Variants in VPS13B observed in about 807,000 individuals in gnomAD.
VPS13B encodes the protein intermembrane lipid transfer protein VPS13B.
Under a neutral mutation model 426.4 loss-of-function variants are expected in VPS13B, and 285 were observed. The ratio of observed to expected loss-of-function variants is 0.67; its 90% CI spans 0.61 to 0.74. The LOEUF (loss-of-function observed/expected upper bound fraction) is 0.74, where lower values mean the gene tolerates loss of function less well. VPS13B is among the 30% of genes least tolerant of loss of function. The probability of loss-of-function intolerance (pLI) is 0.00; values close to 1 mark genes in which losing one functional copy is unlikely to be tolerated. For missense variants in VPS13B, 4,537 were observed against 4,782.6 expected, an observed-to-expected ratio of 0.95 and a Z score of 1.51; for synonymous variants, 1,676 against 1,676.4, an observed-to-expected ratio of 1.00 and a Z score of 0.01.
chr8:99,840,271 C>T (rs1338421008), intron 54 of VPS13B, among the ~76,000 whole-genome samples: 2 of 152,218 alleles, frequency 1.3e-5, no homozygotes, highest in Non-Finnish European at 2.9e-5. Flanking sequence ...ACCACATCCC[C>T]CAGGTCTTTA....
intron 19 of VPS13B, among the ~76,000 whole-genome samples, chr8:99,352,987 A>C (rs959029248): frequency 6.6e-6 from 1 of 151,846 alleles, no homozygotes; most frequent in African/African-American, 2.4e-5. Context: ...ACTTATTATT[A>C]TTATTATTTT....
intron 21 of VPS13B, among the ~76,000 whole-genome samples, chr8:99,410,998 G>C (rs199913990): frequency 1.3e-5 from 2 of 152,108 alleles, no homozygotes; most frequent in Non-Finnish European, 2.9e-5. Flanking sequence ...AGTCTTTGCT[G>C]TTGTGAATAG....
intron 7 of VPS13B, among the ~76,000 whole-genome samples, chr8:99,116,666 A>AT (rs1847670607): frequency 6.7e-6 from 1 of 150,130 alleles, no homozygotes; most frequent in Non-Finnish European, 1.5e-5. Flanking sequence ...ACTCCTAGGC[A>AT]TAAGCTATCT....
chr8:99,278,135 T>A (rs1391833377), intron 19 of VPS13B, among the ~76,000 whole-genome samples: 1 of 152,150 alleles, frequency 6.6e-6, no homozygotes, highest in Non-Finnish European at 1.5e-5. Context: ...TGAATGATGA[T>A]CATACTAACT....
chr8:99,618,154 G>T (rs1828183899), intron 33 of VPS13B, among the ~76,000 whole-genome samples: 1 of 151,980 alleles, frequency 6.6e-6, no homozygotes, highest in Non-Finnish European at 1.5e-5. Context: ...TCCTCTGTGT[G>T]ATATTGTGAC....
At chr8:99,234,471 G>GCCGCC in intron 17 of VPS13B, 1 of 559,208 alleles carries the variant, frequency 1.8e-6, no homozygotes, top group South Asian at 1.5e-5. Flanking sequence ...TGGCCTCGCC[G>GCCGCC]CCGCCCCGCC....
intron 31 of VPS13B, among the ~76,000 whole-genome samples, chr8:99,561,459 A>G (rs562775434): frequency 1.8e-4 from 27 of 152,326 alleles, no homozygotes; most frequent in Admixed American, 1.3e-3. Flanking sequence ...TAATGGGTCA[A>G]TTTAAGATTT....
chr8:99,793,254 C>CATAT (rs779913773), intron 43 of VPS13B, among the ~76,000 whole-genome samples: 7,571 of 106,720 alleles, frequency 0.071, 351 homozygotes, highest in East Asian at 0.17. Flanking sequence ...TTGCCCTCTC[C>CATAT]ATATATATAT....
In VPS13B at chr8:99,720,566, G is replaced by C; in HGVS notation, c.6865+14G>C. 1.2e-6 allele frequency: 2 copies of C among 1,609,864 alleles called. No individual in the cohort carries two copies. Among genetic ancestry groups the C allele is most frequent in the Non-Finnish European group, 8.5e-7 (1 of 1,176,230 alleles). ...TACAGGATGCTGGTAAGTAGCAACAGACTCAGTATGAGAGTGTCTCTGTGC... is the reference window on the plus strand; with the variant it reads ...TACAGGATGCTGGTAAGTAGCAACACACTCAGTATGAGAGTGTCTCTGTGC... On this transcript the variant is annotated intron_variant, in intron 38 of 61. Coordinates refer to ENST00000357162, the MANE Select transcript of VPS13B (RefSeq NM_152564.5).
intron 39 of VPS13B, among the ~76,000 whole-genome samples, chr8:99,746,924 A>C (rs1588678770): frequency 6.6e-6 from 1 of 152,240 alleles, no homozygotes; most frequent in East Asian, 1.9e-4. Flanking sequence ...CCTTTAATGG[A>C]CCAAAAATGT....
intron 43 of VPS13B, among the ~76,000 whole-genome samples, chr8:99,797,713 A>G (rs1385738194): frequency 6.6e-6 from 1 of 152,150 alleles, no homozygotes; most frequent in Non-Finnish European, 1.5e-5. Context: ...GAGATTAGCA[A>G]TATACTTCAA....
chr8:99,793,484 C>T (rs1482997508), intron 43 of VPS13B, among the ~76,000 whole-genome samples: 1 of 151,982 alleles, frequency 6.6e-6, no homozygotes, highest in Middle Eastern at 3.4e-3. Flanking sequence ...GACAGTGAAA[C>T]AACATCTTTA....
At chr8:99,696,633 G>C (rs1271292870) in intron 35 of VPS13B, 1 of 688,074 alleles carries the variant, frequency 1.5e-6, no homozygotes, top group African/African-American at 1.8e-5. Flanking sequence ...GGTCAACCTG[G>C]AGCTGGCAGA....
intron 19 of VPS13B, among the ~76,000 whole-genome samples, chr8:99,321,823 A>G (rs186264244): frequency 6.6e-6 from 1 of 152,348 alleles, no homozygotes; most frequent in Admixed American, 6.5e-5. Context: ...GAACATTATG[A>G]TTTAAACGTA....
intron 19 of VPS13B, among the ~76,000 whole-genome samples, chr8:99,349,141 G>T (rs1329619733): frequency 1.3e-5 from 2 of 150,210 alleles, no homozygotes; most frequent in African/African-American, 2.4e-5. Context: ...AGACCATCCC[G>T]GCTAAAACGG....
At chr8:99,370,729 C>G (rs540079484) in intron 19 of VPS13B, among the ~76,000 whole-genome samples, 2 of 151,450 alleles carry the variant, frequency 1.3e-5, no homozygotes, top group African/African-American at 4.9e-5. Context: ...CCTGCCTCAG[C>G]CTCCCAAGTA....
At chr8:99,712,959 T>C (rs1563877173) in intron 36 of VPS13B, among the ~76,000 whole-genome samples, 1 of 152,082 alleles carries the variant, frequency 6.6e-6, no homozygotes, top group African/African-American at 2.4e-5. Flanking sequence ...CTCTAAGAGG[T>C]AGGCACTTTG....
chr8:99,875,776 ATCC>A lies in VPS13B; in HGVS notation c.*114_*116del. 6.3e-6 allele frequency: 9 copies of A among 1,422,674 alleles called. No individual in the cohort carries two copies. The highest frequency in any genetic ancestry group is 1.4e-5 in the African/African-American group (1 of 70,642). 88.1% of individuals were successfully genotyped at this position (1,422,674 alleles called of 1,614,324 possible). ...GACCTCAAATTCTGGGGTTCAAGCA[ATCC>A]TCCCACCTCAACCCACAAGTAGCTA... On this transcript the variant is annotated 3_prime_UTR_variant, in exon 62 of 62. Transcript: ENST00000357162.
intron 36 of VPS13B, among the ~76,000 whole-genome samples, chr8:99,701,582 A>G (rs1447275562): frequency 6.6e-6 from 1 of 152,154 alleles, no homozygotes; most frequent in Non-Finnish European, 1.5e-5. Context: ...TGTAAGAAAA[A>G]CTATATACCC....
Sources: gnomAD v4.1 joint callset for allele counts (sites outside exome capture counted in the v4.1 genomes callset) on GRCh38, gnomAD v4.1.1 for gene constraint, MANE v1.5 for transcripts, NCBI Gene and HGNC (gene_info 2026-07-23, HGNC 2026-07-21) for gene names.